MPV17L2: variants seen among roughly 807,000 people sequenced by gnomAD.
The protein encoded by MPV17L2 is mpv17-like protein 2.
MPV17L2 carries 25 observed loss-of-function variants against 24.2 expected under a neutral mutation model. The observed-to-expected ratio is 1.03, with a 90% confidence interval of 0.75 to 1.44. The LOEUF (loss-of-function observed/expected upper bound fraction) is 1.44, where lower values mean the gene tolerates loss of function less well. Ranked by LOEUF, MPV17L2 falls within the 40% of genes most tolerant of loss-of-function variation. MPV17L2 has a pLI of 0.00. For missense variants in MPV17L2, 271 were observed against 276.2 expected (o/e 0.98, Z 0.13); for synonymous variants, 130 against 121.4 (o/e 1.07, Z -0.46).
At chr19:18,193,770 T>C (rs995677447) in intron 1 of MPV17L2, 94 bp from the exon 2 acceptor site, 33 of 1,545,438 alleles carry the variant, frequency 2.1e-5, no homozygotes, top group East Asian at 1.6e-4. Flanking sequence ...CGGGATGGCA[T>C]TGGGCTTACC....
rs1313892447 is a variant in MPV17L2 at position 18,193,908 on chromosome 19, T to C, written c.232T>C (p.Tyr78His). ...VGCSMGPFLHYWYLSLDRLFP... is the reference protein window; with the variant it reads ...VGCSMGPFLHHWYLSLDRLFP... The stretch of plus-strand genomic sequence containing the variant: ...CTGCAGCATGGGTCCCTTCCTGCAC[T>C]ACTGGTACTTGTCGCTGGACCGCCT... Residue 78 changes from tyrosine (Y) to histidine (H), a missense_variant, in exon 2 of 5, where the codon TAC becomes CAC. Coordinates refer to ENST00000599612, the MANE Select transcript of MPV17L2 (RefSeq NM_032683.3). 2.5e-6 allele frequency: 4 copies of C among 1,614,092 alleles called. No homozygotes were observed. The African/African-American group carries it at 4.0e-5, about 16-fold the overall frequency.
chr19:18,194,716 C>G, intron 2 of MPV17L2, 61 bp from the exon 3 acceptor site: 1 of 1,474,588 alleles, frequency 6.8e-7, no homozygotes, highest in Non-Finnish European at 9.3e-7. Context: ...GTCAGCCCAT[C>G]TTGTCGTCTC....
chr19:18,194,865 C>T lies in MPV17L2; in HGVS notation c.435+12C>T. The T allele has an allele frequency of 1.2e-6, 2 of 1,603,018 alleles. No individual in the cohort carries two copies. The highest frequency in any genetic ancestry group is 1.1e-5 in the South Asian group (1 of 89,442). On this transcript the variant is annotated intron_variant, in intron 3 of 4. Transcript: ENST00000599612. ...GGGAATTCTACAAGGTGGGAGCACCCGCCCCTTGCACATGTCCGGCCCCGC... is the reference window on the plus strand; with the variant it reads ...GGGAATTCTACAAGGTGGGAGCACCTGCCCCTTGCACATGTCCGGCCCCGC...
chr19:18,195,053 C>T lies in MPV17L2; in HGVS notation c.531C>T (p.Gly177=), dbSNP rs550700618. 28 of 1,614,182 alleles carry T rather than the reference C, an allele frequency of 1.7e-5. No homozygotes were observed. The East Asian group carries it at 6.0e-4, about 35-fold the overall frequency. Residue 177 remains glycine, a synonymous_variant, in exon 4 of 5, where the codon GGC becomes GGT. Transcript: ENST00000599612. ...CCTACATCAACGGCCTGACGCTGGG[C>T]TGGGACACGTACCTGTCCTACTTGA... ...RVTYINGLTL[G]WDTYLSYLKY...
At chr19:18,195,935 C>T in intron 4 of MPV17L2, 64 bp from the exon 5 acceptor site, 1 of 1,506,916 alleles carries the variant, frequency 6.6e-7, no homozygotes, top group Non-Finnish European at 9.0e-7. Context: ...GGCCCAAGGG[C>T]AGGTAGAGGG....
chr19:18,193,354 C>G lies in MPV17L2; in HGVS notation c.73C>G (p.Leu25Val), dbSNP rs1324681575. Reference sequence around the variant, plus strand: ...GCAGCTTCTATTCCAGGGCCGCGCGCTGCTCGTCACTAACACGCTGGGCTG... The same window carrying G: ...GCAGCTTCTATTCCAGGGCCGCGCGGTGCTCGTCACTAACACGCTGGGCTG... The part of the protein sequence containing the change: ...AGQLLFQGRA[L>V]LVTNTLGCGA... The change falls in exon 1 of 5, where the codon CTG becomes GTG. Residue 25 changes from leucine (L) to valine (V), a missense_variant. Leu to Val is a conservative substitution (Grantham distance 32). Coordinates refer to ENST00000599612, the MANE Select transcript of MPV17L2 (RefSeq NM_032683.3). 6.4e-7 allele frequency: 1 copy of G among 1,565,944 alleles called. No individual in the cohort carries two copies. The highest frequency in any genetic ancestry group is 1.8e-5 in the Admixed American group (1 of 55,250).
chr19:18,194,750 A>G (rs1471582929), intron 2 of MPV17L2, 27 bp from the exon 3 acceptor site: 1 of 1,582,922 alleles, frequency 6.3e-7, no homozygotes, highest in African/African-American at 1.4e-5. Context: ...GGCCTCTAAC[A>G]CTCTCATTTC....
chr19:18,194,888 C>A, intron 3 of MPV17L2, 35 bp downstream of exon 3: 1 of 1,593,194 alleles, frequency 6.3e-7, no homozygotes, highest in Non-Finnish European at 8.5e-7. Context: ...TGTCCGGCCC[C>A]GCCCCCTGAT....
At chr19:18,194,884 GCCCCGCCCCCTGATGGCCGCTCCGC>G in intron 3 of MPV17L2, 31 bp downstream of exon 3, 1 of 1,595,098 alleles carries the variant, frequency 6.3e-7, no homozygotes, top group East Asian at 2.3e-5. Flanking sequence ...CACATGTCCG[GCCCCGCCCCCTGATGGCCGCTCCGC>G]CCCCGCCCAG....
At chr19:18,193,536 C>A in intron 1 of MPV17L2, 68 bp downstream of exon 1, 1 of 1,422,716 alleles carries the variant, frequency 7.0e-7, no homozygotes, top group Middle Eastern at 2.1e-4. Flanking sequence ...GACTGCGGGC[C>A]GTGACCCCTG....
chr19:18,195,045 A>C lies in MPV17L2; in HGVS notation c.523A>C (p.Thr175Pro). 4 of 1,614,056 alleles carry C rather than the reference A, an allele frequency of 2.5e-6. No individual in the cohort carries two copies. Among genetic ancestry groups the C allele is most frequent in the Non-Finnish European group, 3.4e-6 (4 of 1,179,992 alleles). ...QFRVTYINGL[T>P]LGWDTYLSYL... is the part of the protein sequence containing the mutation. ...TCGAGTCACCTACATCAACGGCCTG[A>C]CGCTGGGCTGGGACACGTACCTGTC... The change falls in exon 4 of 5, where the codon ACG (threonine) becomes CCG (proline). Residue 175 changes from threonine (T) to proline (P), a missense_variant. Thr to Pro is a conservative substitution (Grantham distance 38). Coordinates refer to ENST00000599612, the MANE Select transcript of MPV17L2 (RefSeq NM_032683.3).
At chr19:18,194,652 C>T in intron 2 of MPV17L2, 125 bp from the exon 3 acceptor site, 3 of 762,618 alleles carry the variant, frequency 3.9e-6, no homozygotes, top group Non-Finnish European at 6.5e-6. Context: ...CCCTGTCCCT[C>T]TGCCCGGGGT....
chr19:18,195,720 T>G (rs2147978177), intron 4 of MPV17L2, among the ~76,000 whole-genome samples: 1 of 150,612 alleles, frequency 6.6e-6, no homozygotes, highest in South Asian at 2.1e-4. Flanking sequence ...GCCTGTAGTC[T>G]CAGCTACTCC....
chr19:18,194,882 C>A (rs780407494), intron 3 of MPV17L2, 29 bp downstream of exon 3: 15 of 1,595,476 alleles, frequency 9.4e-6, no homozygotes, highest in South Asian at 3.4e-5. Flanking sequence ...TGCACATGTC[C>A]GGCCCCGCCC....
rs1019373336 is a variant in MPV17L2, at chr19:18,194,863, C to T, written c.435+10C>T. On this transcript the variant is annotated intron_variant, in intron 3 of 4. Coordinates refer to ENST00000599612, the MANE Select transcript of MPV17L2 (RefSeq NM_032683.3). ...CTGGGAATTCTACAAGGTGGGAGCA[C>T]CCGCCCCTTGCACATGTCCGGCCCC... 1 of 1,601,022 alleles carries T rather than the reference C, an allele frequency of 6.2e-7. No individual in the cohort carries two copies. Among genetic ancestry groups the T allele is most frequent in the Non-Finnish European group, 8.5e-7 (1 of 1,174,684 alleles).
Position 18,195,983 on chromosome 19 carries a change from T to C in MPV17L2, c.565-16T>C. ...GAGCCAGGCTTCTGACCAGATGCCT[T>C]GTCTTGTGTGGACAGAGCCCAGTTC... is the stretch of plus-strand genomic sequence containing the variant. On this transcript the variant is annotated splice_polypyrimidine_tract_variant and intron_variant, in intron 4 of 4. Transcript: ENST00000599612. 6.3e-7 allele frequency: 1 copy of C among 1,594,906 alleles called. No homozygotes were observed. Among genetic ancestry groups the C allele is most frequent in the Non-Finnish European group, 8.6e-7 (1 of 1,168,168 alleles).
intron 1 of MPV17L2, 119 bp downstream of exon 1, chr19:18,193,587 G>A (rs1243998359): frequency 2.9e-6 from 4 of 1,402,654 alleles, no homozygotes; most frequent in Non-Finnish European, 3.7e-6. Context: ...TGCCCTGACC[G>A]CGCCTCTCCC....
rs201082077 is a variant in MPV17L2, at chr19:18,194,943, C to T, written c.436-15C>T. On this transcript the variant is annotated splice_polypyrimidine_tract_variant and intron_variant, in intron 3 of 4. Transcript: ENST00000599612. ...AGCTCTGGCCCCGCCCCTCATCCCC[C>T]GCCTCTCCCCGCAGGCAGACTGGTG... 3.6e-4 allele frequency: 574 copies of T among 1,609,854 alleles called. 2 individuals carry two copies. The highest frequency in any genetic ancestry group is 3.7e-4 in the Non-Finnish European group (435 of 1,177,444).
In MPV17L2 at chr19:18,194,828, G is replaced by T; in HGVS notation, c.410G>T (p.Arg137Leu). 6.2e-7 allele frequency: 1 copy of T among 1,610,060 alleles called. No homozygotes were observed. Among genetic ancestry groups the T allele is most frequent in the Non-Finnish European group, 8.5e-7 (1 of 1,178,802 alleles). ...GTGGGTGAGAGCTGCCAGGAGCTGCGGGAGAAGTTCTGGGAATTCTACAAG... is the reference window on the plus strand; with the variant it reads ...GTGGGTGAGAGCTGCCAGGAGCTGCTGGAGAAGTTCTGGGAATTCTACAAG... ...QTVGESCQEL[R>L]EKFWEFYKAD... Residue 137 changes from arginine (R) to leucine (L), a missense_variant, in exon 3 of 5, where the codon CGG (arginine) becomes CTG (leucine). Transcript: ENST00000599612.
Sources: allele counts gnomAD v4.1 joint callset (sites outside exome capture counted in the v4.1 genomes callset), GRCh38; gene constraint gnomAD v4.1.1; transcripts MANE v1.5; gene names NCBI Gene and HGNC (gene_info 2026-07-23, HGNC 2026-07-21).